The following KCNH1 variants were observed in gnomAD, a reference collection of about 807,000 sequenced individuals.
KCNH1 encodes the protein potassium voltage-gated channel subfamily H member 1.
Under a neutral mutation model 69.2 loss-of-function variants are expected in KCNH1, and 27 were observed. That is an observed-to-expected ratio of 0.39 (90% CI 0.29 to 0.54). The LOEUF is 0.54. KCNH1 is among the 20% of genes least tolerant of loss of function. The pLI, the probability that KCNH1 is intolerant of heterozygous loss-of-function variation, is 0.68. For synonymous variants in KCNH1, 456 were observed against 487.7 expected (o/e 0.93, Z 0.86); for missense variants, 798 against 1,261.6 (o/e 0.63, Z 5.57).
At chr1:210,828,111 A>T (rs1558486600) in intron 7 of KCNH1, among the ~76,000 whole-genome samples, 1 of 152,054 alleles carries the variant, frequency 6.6e-6, no homozygotes, top group Non-Finnish European at 1.5e-5. Context: ...CCAAAGTGCT[A>T]GGATTACAGG....
chr1:210,716,598 C>A (rs915429462), intron 10 of KCNH1, among the ~76,000 whole-genome samples: 1 of 152,132 alleles, frequency 6.6e-6, no homozygotes. Flanking sequence ...TGGGTTATGT[C>A]CTTTAACTTG....
chr1:211,056,254 G>A (rs187560918), intron 5 of KCNH1, among the ~76,000 whole-genome samples: 9 of 151,576 alleles, frequency 5.9e-5, no homozygotes, highest in East Asian at 3.9e-4. Flanking sequence ...AGTGAACATC[G>A]GCAGTAGCCA....
intron 9 of KCNH1, among the ~76,000 whole-genome samples, chr1:210,788,685 CTTTTTTTTTTTTTTTTTTTTTTT>C (rs139485350): frequency 1.2e-5 from 1 of 80,712 alleles, no homozygotes; most frequent in African/African-American, 5.0e-5. Flanking sequence ...TAGCTTCTTT[CTTTTTTTTTTTTTTTTTTTTTTT>C]TTTTTTGAGA....
intron 6 of KCNH1, among the ~76,000 whole-genome samples, chr1:210,966,589 A>G (rs1215942855): frequency 6.6e-6 from 1 of 152,254 alleles, no homozygotes; most frequent in African/African-American, 2.4e-5. Context: ...AAAAGAAGAC[A>G]TTTATGCAGC....
intron 6 of KCNH1, among the ~76,000 whole-genome samples, chr1:210,992,518 T>C (rs2102390530): frequency 6.6e-6 from 1 of 152,346 alleles, no homozygotes; most frequent in Non-Finnish European, 1.5e-5. Flanking sequence ...GTCATATCTT[T>C]CCCAAAGACA....
At chr1:210,916,152 G>A (rs1687328217) in intron 7 of KCNH1, among the ~76,000 whole-genome samples, 1 of 152,152 alleles carries the variant, frequency 6.6e-6, no homozygotes, top group Non-Finnish European at 1.5e-5. Flanking sequence ...AAGGAGGTCA[G>A]TGTATACATG....
At chr1:210,946,731 C>T (rs142086708) in intron 6 of KCNH1, among the ~76,000 whole-genome samples, 401 of 152,316 alleles carry the variant, frequency 2.6e-3, no homozygotes, top group African/African-American at 9.2e-3. Flanking sequence ...CTCACACACC[C>T]GCACTCCAGT....
intron 1 of KCNH1, among the ~76,000 whole-genome samples, chr1:211,119,433 G>A (rs1691647376): frequency 6.6e-6 from 1 of 152,114 alleles, no homozygotes; most frequent in Admixed American, 6.6e-5. Context: ...AGAATTGAAA[G>A]ATAATGATTG....
intron 7 of KCNH1, among the ~76,000 whole-genome samples, chr1:210,836,171 A>G (rs76654140): frequency 0.089 from 13,555 of 151,656 alleles, 669 homozygotes; most frequent in Non-Finnish European, 0.11. Context: ...TTGTTTAATA[A>G]GATAAATACA....
chr1:210,903,034 C>T (rs1039822428), intron 7 of KCNH1, among the ~76,000 whole-genome samples: 3 of 152,204 alleles, frequency 2.0e-5, no homozygotes, highest in African/African-American at 7.2e-5. Flanking sequence ...TCTTCCCCTA[C>T]ATTTCAGCTA....
At chr1:210,752,454 G>A (rs1180170339) in intron 10 of KCNH1, among the ~76,000 whole-genome samples, 1 of 152,206 alleles carries the variant, frequency 6.6e-6, no homozygotes, top group Non-Finnish European at 1.5e-5. Context: ...TGCGCTTCAT[G>A]AGAAGGCAAA....
chr1:211,090,156 G>A (rs1691027294), intron 4 of KCNH1, among the ~76,000 whole-genome samples: 1 of 152,218 alleles, frequency 6.6e-6, no homozygotes, highest in African/African-American at 2.4e-5. Flanking sequence ...TAACAATCTT[G>A]AAGTGCCAGA....
chr1:211,109,877 CA>C (rs1691425702), intron 1 of KCNH1, among the ~76,000 whole-genome samples: 1 of 149,834 alleles, frequency 6.7e-6, no homozygotes, highest in Non-Finnish European at 1.5e-5. Context: ...ATCCACAAAA[CA>C]AAAACAGAAT....
intron 10 of KCNH1, among the ~76,000 whole-genome samples, chr1:210,741,792 C>T (rs2149037379): frequency 6.6e-6 from 1 of 152,258 alleles, no homozygotes. Context: ...ACAGGGGCAG[C>T]CTGGGGCACC....
At chr1:210,797,129 C>T (rs1684331278) in intron 9 of KCNH1, among the ~76,000 whole-genome samples, 1 of 152,126 alleles carries the variant, frequency 6.6e-6, no homozygotes, top group Non-Finnish European at 1.5e-5. Context: ...TACTTCATCC[C>T]TTCTCTTCTC....
At chr1:210,971,983 G>A in intron 6 of KCNH1, among the ~76,000 whole-genome samples, 1 of 152,012 alleles carries the variant, frequency 6.6e-6, no homozygotes, top group African/African-American at 2.4e-5. Context: ...CTCTTCAGGG[G>A]TCAAGGGAAG....
intron 5 of KCNH1, among the ~76,000 whole-genome samples, chr1:211,078,547 A>C (rs879300213): frequency 3.9e-5 from 6 of 152,222 alleles, no homozygotes; most frequent in Admixed American, 6.5e-5. Context: ...GAAGGTAGAA[A>C]TAAAGATGTT....
At chr1:210,781,764 T>A (rs1683991783) in intron 9 of KCNH1, among the ~76,000 whole-genome samples, 1 of 152,210 alleles carries the variant, frequency 6.6e-6, no homozygotes, top group Non-Finnish European at 1.5e-5. Flanking sequence ...CCAAATCTCC[T>A]CCTCCCCAGT....
chr1:210,743,738 A>G (rs1159393928), intron 10 of KCNH1, among the ~76,000 whole-genome samples: 2 of 152,238 alleles, frequency 1.3e-5, no homozygotes. Flanking sequence ...CAGAATCAGC[A>G]TCAGAGTTGG....
Sources: allele counts gnomAD v4.1 joint callset (sites outside exome capture counted in the v4.1 genomes callset), GRCh38; gene constraint gnomAD v4.1.1; transcripts MANE v1.5; gene names NCBI Gene and HGNC (gene_info 2026-07-23, HGNC 2026-07-21).